MYO5C: variants seen among roughly 807,000 people sequenced by gnomAD.
MYO5C encodes the protein myosin VC.
Under a neutral mutation model 235.7 loss-of-function variants are expected in MYO5C, and 194 were observed. The ratio of observed to expected loss-of-function variants is 0.82; its 90% CI spans 0.73 to 0.93. The LOEUF is 0.93. Among genes scored for constraint, MYO5C ranks in the 40% least tolerant of loss-of-function variants. The pLI is 0.00. For synonymous variants in MYO5C, 707 were observed against 754.8 expected, an observed-to-expected ratio of 0.94 and a Z score of 1.04; for missense variants, 2,038 against 2,127.2, an observed-to-expected ratio of 0.96 and a Z score of 0.82.
intron 20 of MYO5C, 124 bp downstream of exon 20, chr15:52,241,924 G>C: frequency 9.1e-7 from 1 of 1,100,340 alleles, no homozygotes; most frequent in Non-Finnish European, 1.3e-6. Flanking sequence ...TCTCCTTTCT[G>C]GCTTGGCTGA....
chr15:52,204,224 T>C (rs1215698216), intron 38 of MYO5C, among the ~76,000 whole-genome samples: 1 of 151,942 alleles, frequency 6.6e-6, no homozygotes, highest in Non-Finnish European at 1.5e-5. Context: ...CCTAGCTCTT[T>C]ACCTTGGTCC....
rs181160892 is a variant in MYO5C at position 52,208,000 on chromosome 15, T to G, written c.4386+554A>C. On this transcript the variant is annotated intron_variant, in intron 36 of 40. Transcript: ENST00000261839. ...AAGTGTTGGTGAAGGTATGAGACAC[T>G]GGAAACATCATACACTGCTGGTGGG... Among the ~76,000 whole-genome samples, 223 of 152,322 alleles carry G rather than the reference T, an allele frequency of 1.5e-3. 1 individual carries two copies. Among genetic ancestry groups the G allele is most frequent in the African/African-American group, 5.2e-3 (218 of 41,570 alleles).
chr15:52,240,297 C>CTA (rs2036183622), intron 20 of MYO5C, among the ~76,000 whole-genome samples: 1 of 151,958 alleles, frequency 6.6e-6, no homozygotes, highest in South Asian at 2.1e-4. Flanking sequence ...AGGGCCAGGC[C>CTA]TATGGCTCAC....
Position 52,271,850 on chromosome 15 carries a change from A to C in MYO5C, c.751-6T>G, listed in dbSNP as rs775040283. ...TAATTTCGTTCATTTTCCGACTGTA[A>C]GATAAAGAAATGTCCTCAAAATTAC... On this transcript the variant is annotated splice_polypyrimidine_tract_variant and splice_region_variant and intron_variant, in intron 6 of 40. Transcript: ENST00000261839. 1 of 1,576,478 alleles carries C rather than the reference A, an allele frequency of 6.3e-7. No homozygotes were observed. Among genetic ancestry groups the C allele is most frequent in the Non-Finnish European group, 8.7e-7 (1 of 1,153,838 alleles).
chr15:52,244,417 G>A lies in MYO5C; in HGVS notation c.2329C>T (p.Leu777Phe), dbSNP rs2036294178. 1 of 1,613,998 alleles carries A rather than the reference G, an allele frequency of 6.2e-7. No homozygotes were observed. Among genetic ancestry groups the A allele is most frequent in the African/African-American group, 1.3e-5 (1 of 74,910 alleles). The change falls in exon 19 of 41, where the codon CTC (leucine) becomes TTC (phenylalanine). Residue 777 changes from leucine (L) to phenylalanine (F), a missense_variant. By Grantham distance (22) the Leu-to-Phe change is conservative. Coordinates refer to ENST00000261839, the MANE Select transcript of MYO5C (RefSeq NM_018728.4). ...MRGWLQRKKF[L>F]RERRAALIIQ... ...ATCAGGGCGGCTCGTCTCTCTCGGA[G>A]GAATTTTTTCCTCTGGAGCCAGCCA...
At chr15:52,255,646 T>C (rs2036564075) in intron 11 of MYO5C, among the ~76,000 whole-genome samples, 1 of 152,246 alleles carries the variant, frequency 6.6e-6, no homozygotes, top group Non-Finnish European at 1.5e-5. Flanking sequence ...GCGTCAGTAC[T>C]GTTGGGAATT....
chr15:52,229,210 G>GGAGTTGC lies in MYO5C; in HGVS notation c.3123_3129dup (p.Gln1044AlafsTer14). ...ACGTGCTCCCCCTCCACCAGGTGTT[G>GGAGTTGC]GAGTTGCATCTTCTCATCCTTGAGA... is the stretch of plus-strand genomic sequence containing the variant. On this transcript the variant is annotated frameshift_variant, in exon 25 of 41. Transcript: ENST00000261839. LOFTEE classifies it high-confidence loss of function. 6.2e-7 allele frequency: 1 copy of GGAGTTGC among 1,614,212 alleles called. No individual in the cohort carries two copies. Among genetic ancestry groups the GGAGTTGC allele is most frequent in the African/African-American group, 1.3e-5 (1 of 75,068 alleles).
At chr15:52,215,204 A>G (rs1172695380) in intron 32 of MYO5C, among the ~76,000 whole-genome samples, 1 of 152,258 alleles carries the variant, frequency 6.6e-6, no homozygotes, top group East Asian at 1.9e-4. Flanking sequence ...GAATTTAAAA[A>G]TATGAATGTG....
intron 38 of MYO5C, among the ~76,000 whole-genome samples, chr15:52,202,770 A>G (rs2035216938): frequency 6.6e-6 from 1 of 152,192 alleles, no homozygotes; most frequent in Admixed American, 6.5e-5. Flanking sequence ...GGAATGGTCT[A>G]TGGGGATTGA....
At chr15:52,259,443 G>C (rs1033224110) in intron 10 of MYO5C, among the ~76,000 whole-genome samples, 1 of 147,590 alleles carries the variant, frequency 6.8e-6, no homozygotes, top group Admixed American at 6.7e-5. Context: ...AGAAAAAAAA[G>C]AAAGAAATAA....
At chr15:52,289,081 T>C (rs1402089624) in intron 1 of MYO5C, among the ~76,000 whole-genome samples, 1 of 152,090 alleles carries the variant, frequency 6.6e-6, no homozygotes, top group Non-Finnish European at 1.5e-5. Flanking sequence ...ACTGGGAGTG[T>C]CCACACTCCA....
chr15:52,251,372 T>A lies in MYO5C; in HGVS notation c.1662+18A>T. On this transcript the variant is annotated intron_variant, in intron 13 of 40. Coordinates refer to ENST00000261839, the MANE Select transcript of MYO5C (RefSeq NM_018728.4). ...CAGGTTCCGGGGTTGACAGCATTGA[T>A]GGAGACCTTCACGGTACCTTATCAG... 1 of 1,587,382 alleles carries A rather than the reference T, an allele frequency of 6.3e-7. No homozygotes were observed. The highest frequency in any genetic ancestry group is 8.6e-7 in the Non-Finnish European group (1 of 1,164,958).
chr15:52,242,209 C>G lies in MYO5C; in HGVS notation c.2395G>C (p.Ala799Pro). The G allele has an allele frequency of 6.2e-7, 1 of 1,610,078 alleles. No individual in the cohort carries two copies. Among genetic ancestry groups the G allele is most frequent in the Non-Finnish European group, 8.5e-7 (1 of 1,177,862 alleles). Reference protein sequence around the residue: ...YFRGQQTVRKAITAVALKEAW... With the variant: ...YFRGQQTVRKPITAVALKEAW... ...TCTTTTAAGGCCACTGCAGTAATAG[C>G]TTTCCTTGGTTAACAAGGATGAAGA... The change falls in exon 20 of 41, where the codon GCT becomes CCT. Residue 799 changes from alanine (A) to proline (P), a missense_variant. Coordinates refer to ENST00000261839, the MANE Select transcript of MYO5C (RefSeq NM_018728.4).
chr15:52,263,349 T>C (rs1192089885), intron 9 of MYO5C, among the ~76,000 whole-genome samples: 2 of 152,196 alleles, frequency 1.3e-5, no homozygotes, highest in Non-Finnish European at 2.9e-5. Context: ...TCATAGTATA[T>C]GTCATAGAAG....
intron 28 of MYO5C, 111 bp downstream of exon 28, chr15:52,224,790 T>A (rs906723616): frequency 2.4e-6 from 2 of 820,978 alleles, no homozygotes; most frequent in Non-Finnish European, 3.9e-6. Flanking sequence ...ATTCAGTCAT[T>A]CTACTATAAG....
intron 32 of MYO5C, among the ~76,000 whole-genome samples, chr15:52,217,452 GCTT>G (rs1262533894): frequency 1.3e-5 from 2 of 152,200 alleles, no homozygotes; most frequent in Admixed American, 6.5e-5. Context: ...CACCCATGTA[GCTT>G]CTCCCTGACC....
Position 52,232,661 on chromosome 15 carries a change from T to C in MYO5C, c.2987A>G (p.Gln996Arg). The C allele has an allele frequency of 1.2e-6, 2 of 1,613,896 alleles. No homozygotes were observed. Among genetic ancestry groups the C allele is most frequent in the Non-Finnish European group, 1.7e-6 (2 of 1,179,986 alleles). ...LKEKMDNLTKQLFDDVQKEER... is the reference protein window; with the variant it reads ...LKEKMDNLTKRLFDDVQKEER... ...TTCCTTTTGTACATCATCAAAGAGC[T>C]GCTTGGTGAGGTTGTCCATTTTTTC... is the stretch of plus-strand genomic sequence containing the variant. The change falls in exon 24 of 41, where the codon CAG becomes CGG. Residue 996 changes from glutamine to arginine, a missense_variant. Coordinates refer to ENST00000261839, the MANE Select transcript of MYO5C (RefSeq NM_018728.4).
At position 52,239,841 on chromosome 15, in the gene MYO5C, G is replaced by A. The variant is rs759970309; in HGVS notation, c.2595C>T (p.Tyr865=). The part of the protein sequence containing the change: ...EEHKAVILQK[Y]ARAWLARRRF... ...TGCGTCTGGCCAGCCACGCCCGTGC[G>A]TATTTCTGTAGGATCACAGCCTTAT... The change falls in exon 21 of 41, where the codon TAC becomes TAT. Residue 865 remains tyrosine (Y), a synonymous_variant. Transcript: ENST00000261839. 5.0e-6 allele frequency: 8 copies of A among 1,613,584 alleles called. No individual in the cohort carries two copies. The highest frequency in any genetic ancestry group is 2.7e-5 in the African/African-American group (2 of 75,032).
chr15:52,291,731 GTTT>G (rs1196328559), intron 1 of MYO5C, among the ~76,000 whole-genome samples: 46 of 52,546 alleles, frequency 8.8e-4, no homozygotes, highest in African/African-American at 1.2e-3. Context: ...CATATTTTAT[GTTT>G]TTTTTTTTTT....
Sources: allele counts gnomAD v4.1 joint callset (sites outside exome capture counted in the v4.1 genomes callset), GRCh38; gene constraint gnomAD v4.1.1; transcripts MANE v1.5; gene names NCBI Gene and HGNC (gene_info 2026-07-23, HGNC 2026-07-21).